Variants in ROBO1 observed in about 807,000 individuals in gnomAD.
ROBO1 encodes the protein roundabout homolog 1.
A neutral mutation model predicts 195.9 loss-of-function variants in ROBO1; 149 were observed. The ratio of observed to expected loss-of-function variants is 0.76; its 90% CI spans 0.67 to 0.87. The LOEUF is 0.87. ROBO1 is among the 40% of genes least tolerant of loss of function. The probability of loss-of-function intolerance (pLI) is 0.00; values close to 1 mark genes in which losing one functional copy is unlikely to be tolerated. For missense variants in ROBO1, 1,933 were observed against 2,068.3 expected (o/e 0.93, Z 1.27); for synonymous variants, 816 against 733.2 (o/e 1.11, Z -1.82).
Position 78,651,714 on chromosome 3 carries a change from C to T in ROBO1, c.2812+18G>A. 6.6e-7 allele frequency: 1 copy of T among 1,519,556 alleles called. No individual in the cohort carries two copies. Among genetic ancestry groups the T allele is most frequent in the Non-Finnish European group, 8.8e-7 (1 of 1,130,908 alleles). The allele number at this position is 1,519,556 out of a possible 1,614,324, so 94.1% of individuals were successfully genotyped here. A position where few individuals can be genotyped will look rare whatever the true frequency, so the allele number is the denominator to read the frequency against. ...TTTTATAAACATTAAAATATGAAAACCTTGGGAAAGCTAATACCTTTTCTG... is the reference window on the plus strand; with the variant it reads ...TTTTATAAACATTAAAATATGAAAATCTTGGGAAAGCTAATACCTTTTCTG... On this transcript the variant is annotated intron_variant, in intron 19 of 30. Coordinates refer to ENST00000464233, the MANE Select transcript of ROBO1 (RefSeq NM_002941.4).
At chr3:79,365,851 C>T (rs577418944) in intron 2 of ROBO1, among the ~76,000 whole-genome samples, 4 of 149,808 alleles carry the variant, frequency 2.7e-5, no homozygotes, top group East Asian at 4.0e-4. Context: ...GAGCCGAGAT[C>T]GCGCCACTGC....
intron 4 of ROBO1, among the ~76,000 whole-genome samples, chr3:78,820,457 G>A (rs1002189039): frequency 3.3e-5 from 5 of 152,170 alleles, no homozygotes; most frequent in African/African-American, 1.2e-4. Context: ...TTGTACTAAT[G>A]TTAACGTAGG....
At position 78,884,866 on chromosome 3, in the gene ROBO1, CTG is replaced by C. The variant is rs376764608; in HGVS notation, c.499+53733_499+53734del. On this transcript the variant is annotated intron_variant, in intron 4 of 30. Coordinates refer to ENST00000464233, the MANE Select transcript of ROBO1 (RefSeq NM_002941.4). Reference sequence around the variant, plus strand: ...ACTCTCTCTCTCTCTCTCTCTCTTTCTGTGTGTGTGTGTGTGTGTGTGTGTGT... The same window carrying C: ...ACTCTCTCTCTCTCTCTCTCTCTTTCTGTGTGTGTGTGTGTGTGTGTGTGT... Among the ~76,000 whole-genome samples the C allele has an allele frequency of 4.7e-3, 692 of 147,190 alleles. 2 individuals carry two copies. Among genetic ancestry groups the C allele is most frequent in the Non-Finnish European group, 6.5e-3 (433 of 66,776 alleles).
chr3:78,668,592 T>A, intron 11 of ROBO1, 27 bp from the exon 12 acceptor site: 3 of 1,609,470 alleles, frequency 1.9e-6, no homozygotes, highest in Non-Finnish European at 1.7e-6. Context: ...AAAATAAATA[T>A]TTGGAAAAAT....
intron 2 of ROBO1, among the ~76,000 whole-genome samples, chr3:79,458,831 C>G (rs772376900): frequency 6.6e-5 from 10 of 151,280 alleles, no homozygotes; most frequent in Non-Finnish European, 2.9e-5. Flanking sequence ...ATAAAATGAC[C>G]CCAATAGAAA....
At chr3:79,562,696 G>A (rs1296378215) in intron 2 of ROBO1, among the ~76,000 whole-genome samples, 1 of 151,876 alleles carries the variant, frequency 6.6e-6, no homozygotes, top group African/African-American at 2.4e-5. Context: ...ACAACAACCT[G>A]CTGTTTTATC....
At chr3:79,522,365 C>T (rs1047964217) in intron 2 of ROBO1, among the ~76,000 whole-genome samples, 3 of 147,422 alleles carry the variant, frequency 2.0e-5, no homozygotes, top group Non-Finnish European at 4.5e-5. Context: ...CTCTCTGCCT[C>T]TGTTCCTGCA....
intron 10 of ROBO1, among the ~76,000 whole-genome samples, chr3:78,684,037 C>CA (rs2080994826): frequency 6.6e-6 from 1 of 151,694 alleles, no homozygotes; most frequent in Non-Finnish European, 1.5e-5. Context: ...CATGGGAAAA[C>CA]AAAAAGAAAT....
chr3:79,418,599 A>G (rs138949668), intron 2 of ROBO1, among the ~76,000 whole-genome samples: 1 of 152,320 alleles, frequency 6.6e-6, no homozygotes, highest in East Asian at 1.9e-4. Context: ...TGCAAATAAC[A>G]TTAACACTGT....
At chr3:78,659,893 T>TATATTGATATA in intron 16 of ROBO1, 86 bp from the exon 17 acceptor site, 1 of 1,052,646 alleles carries the variant, frequency 9.5e-7, no homozygotes, top group Non-Finnish European at 1.3e-6. Context: ...CAATAATAGA[T>TATATTGATATA]GTATTAATAC....
chr3:79,487,902 A>G (rs1939247625), intron 2 of ROBO1, among the ~76,000 whole-genome samples: 1 of 152,134 alleles, frequency 6.6e-6, no homozygotes, highest in South Asian at 2.1e-4. Context: ...GGGAACAATA[A>G]CTCTCCAGGT....
At chr3:79,401,025 T>C (rs757558044) in intron 2 of ROBO1, among the ~76,000 whole-genome samples, 42 of 151,858 alleles carry the variant, frequency 2.8e-4, no homozygotes, top group Non-Finnish European at 5.2e-4. Context: ...AATATAAATA[T>C]ATATCTATAT....
chr3:78,789,386 G>A (rs2083949456), intron 4 of ROBO1, among the ~76,000 whole-genome samples: 1 of 152,060 alleles, frequency 6.6e-6, no homozygotes, highest in South Asian at 2.1e-4. Context: ...ATTTTTTAAC[G>A]ACTAAGAATG....
intron 1 of ROBO1, among the ~76,000 whole-genome samples, chr3:79,696,169 C>G (rs2107122444): frequency 6.6e-6 from 1 of 151,392 alleles, no homozygotes; most frequent in Non-Finnish European, 1.5e-5. Context: ...ATTTTTGTAG[C>G]CTGCAACTTT....
intron 2 of ROBO1, among the ~76,000 whole-genome samples, chr3:79,266,113 T>C (rs899285894): frequency 4.6e-5 from 7 of 151,592 alleles, no homozygotes; most frequent in Admixed American, 3.3e-4. Flanking sequence ...TATATGCACA[T>C]GTATATAAAT....
chr3:79,380,386 C>A (rs1046252527), intron 2 of ROBO1, among the ~76,000 whole-genome samples: 4 of 152,046 alleles, frequency 2.6e-5, no homozygotes, highest in Non-Finnish European at 5.9e-5. Context: ...GAAAAATGAT[C>A]CAGTCTGCTA....
chr3:79,142,196 C>T (rs1241954170), intron 2 of ROBO1, among the ~76,000 whole-genome samples: 2 of 151,782 alleles, frequency 1.3e-5, no homozygotes, highest in African/African-American at 2.4e-5. Context: ...ACAAAATAAC[C>T]CCAAATATCT....
At chr3:78,820,067 A>G (rs1013664130) in intron 4 of ROBO1, among the ~76,000 whole-genome samples, 3 of 152,184 alleles carry the variant, frequency 2.0e-5, no homozygotes, top group African/African-American at 7.2e-5. Context: ...AAGGGATCCA[A>G]TTTGAAAACA....
At chr3:78,893,201 A>C (rs2037010038) in intron 4 of ROBO1, among the ~76,000 whole-genome samples, 1 of 152,194 alleles carries the variant, frequency 6.6e-6, no homozygotes, top group Admixed American at 6.5e-5. Flanking sequence ...GCTGAAATTT[A>C]ACATCCAATG....
Sources: allele counts gnomAD v4.1 joint callset (sites outside exome capture counted in the v4.1 genomes callset), GRCh38; gene constraint gnomAD v4.1.1; transcripts MANE v1.5; gene names NCBI Gene and HGNC (gene_info 2026-07-23, HGNC 2026-07-21).